Variants in CDH18 observed in about 807,000 individuals in gnomAD.
CDH18 encodes cadherin-18.
Under a neutral mutation model 67.9 loss-of-function variants are expected in CDH18, and 31 were observed. That is an observed-to-expected ratio of 0.46 (90% confidence interval 0.34 to 0.62). CDH18 has a LOEUF of 0.62. Among genes scored for constraint, CDH18 ranks in the 20% least tolerant of loss-of-function variants. The pLI is 0.01. For missense variants in CDH18, 890 were observed against 975.5 expected, an observed-to-expected ratio of 0.91 and a Z score of 1.17; for synonymous variants, 362 against 347.2, an observed-to-expected ratio of 1.04 and a Z score of -0.48.
chr5:20,277,439 C>A (rs987012402), intron 1 of CDH18, among the ~76,000 whole-genome samples: 1 of 152,144 alleles, frequency 6.6e-6, no homozygotes, highest in African/African-American at 2.4e-5. Flanking sequence ...AAGAGCCACA[C>A]CATTACTGGG....
intron 1 of CDH18, among the ~76,000 whole-genome samples, chr5:20,306,735 G>T (rs975477080): frequency 1.3e-5 from 2 of 152,112 alleles, no homozygotes; most frequent in African/African-American, 4.8e-5. Context: ...AACAGTGAGG[G>T]TTAAAATCTC....
At chr5:20,201,531 C>G (rs954525761) in intron 2 of CDH18, among the ~76,000 whole-genome samples, 1 of 151,532 alleles carries the variant, frequency 6.6e-6, no homozygotes, top group African/African-American at 2.4e-5. Flanking sequence ...TTTGTCAATG[C>G]AGTATTTTAG....
chr5:19,475,028 C>T (rs1024237434), intron 12 of CDH18, among the ~76,000 whole-genome samples: 4 of 152,000 alleles, frequency 2.6e-5, no homozygotes. Flanking sequence ...AGCTGATATT[C>T]TAGGCTTTAT....
intron 1 of CDH18, among the ~76,000 whole-genome samples, chr5:20,479,849 C>T (rs1469014881): frequency 1.3e-5 from 2 of 151,844 alleles, no homozygotes; most frequent in African/African-American, 4.8e-5. Context: ...ATTAAATAAT[C>T]AAAGGTCATG....
intron 5 of CDH18, among the ~76,000 whole-genome samples, chr5:19,613,904 C>T (rs1481460913): frequency 4.6e-5 from 7 of 151,902 alleles, no homozygotes; most frequent in Non-Finnish European, 8.8e-5. Context: ...CATATTTGAT[C>T]CTTCAAACAT....
intron 1 of CDH18, among the ~76,000 whole-genome samples, chr5:20,382,120 A>G (rs1367749579): frequency 2.0e-5 from 3 of 152,194 alleles, no homozygotes; most frequent in African/African-American, 2.4e-5. Context: ...ACATGAAATT[A>G]CTAGAGGTTA....
chr5:20,261,398 T>A (rs1335357533), intron 1 of CDH18, among the ~76,000 whole-genome samples: 2 of 152,212 alleles, frequency 1.3e-5, no homozygotes, highest in Admixed American at 6.5e-5. Context: ...ATTTATCCTT[T>A]ATTTAAATAC....
intron 2 of CDH18, among the ~76,000 whole-genome samples, chr5:20,220,526 T>A (rs1477692012): frequency 6.6e-6 from 1 of 151,924 alleles, no homozygotes; most frequent in Non-Finnish European, 1.5e-5. Context: ...GAAACTACTA[T>A]AAGAAAATAT....
intron 3 of CDH18, among the ~76,000 whole-genome samples, chr5:19,755,890 G>C (rs541658432): frequency 6.6e-6 from 1 of 152,154 alleles, no homozygotes; most frequent in East Asian, 1.9e-4. Context: ...CAGATTAAGG[G>C]TGGATCTGCC....
intron 1 of CDH18, among the ~76,000 whole-genome samples, chr5:20,480,936 A>G (rs1752761436): frequency 1.3e-5 from 2 of 152,180 alleles, no homozygotes; most frequent in African/African-American, 4.8e-5. Flanking sequence ...GATGTAAAGG[A>G]AAGAAGACCA....
chr5:19,520,591 A>G, intron 10 of CDH18, 66 bp downstream of exon 10: 1 of 1,410,390 alleles, frequency 7.1e-7, no homozygotes, highest in South Asian at 1.4e-5. Flanking sequence ...ATACCTAAGA[A>G]TAATAAAAAT....
chr5:20,319,020 G>A (rs1737732615), intron 1 of CDH18, among the ~76,000 whole-genome samples: 1 of 152,140 alleles, frequency 6.6e-6, no homozygotes, highest in Non-Finnish European at 1.5e-5. Flanking sequence ...ACTTGGAATA[G>A]GACCCCACGG....
chr5:19,897,027 A>G (rs1009021889), intron 2 of CDH18, among the ~76,000 whole-genome samples: 6 of 152,290 alleles, frequency 3.9e-5, no homozygotes, highest in African/African-American at 1.4e-4. Context: ...TAGTGTTTGC[A>G]AAGATATCTT....
chr5:20,515,133 T>A (rs1277891822), intron 1 of CDH18, among the ~76,000 whole-genome samples: 13 of 152,056 alleles, frequency 8.5e-5, no homozygotes, highest in African/African-American at 3.1e-4. Context: ...GTTGAATGCA[T>A]ATTACTATAA....
At chr5:20,485,221 T>C (rs777416583) in intron 1 of CDH18, among the ~76,000 whole-genome samples, 1 of 152,186 alleles carries the variant, frequency 6.6e-6, no homozygotes, top group Non-Finnish European at 1.5e-5. Flanking sequence ...ATTTCTCTCT[T>C]CTGATACGCC....
chr5:20,313,759 GA>G (rs548053966), intron 1 of CDH18, among the ~76,000 whole-genome samples: 127 of 151,834 alleles, frequency 8.4e-4, no homozygotes, highest in African/African-American at 2.9e-3. Context: ...GTATATATCT[GA>G]AAAAAACTAG....
rs1561215759 is a variant in CDH18, at chr5:19,748,130, A to AAAAAAAAAAAAAAAAAAAAAAAAAT, written c.229-895_229-894insATTTTTTTTTTTTTTTTTTTTTTTT. The stretch of plus-strand genomic sequence containing the variant: ...TCCATCTCAAAAAAAAAAAAAAAAA[A>AAAAAAAAAAAAAAAAAAAAAAAAAT]AAAGAGTACTTTTTTAGGGATAGAG... On this transcript the variant is annotated intron_variant, in intron 3 of 12. Transcript: ENST00000382275. Among the ~76,000 whole-genome samples the AAAAAAAAAAAAAAAAAAAAAAAAAT allele has an allele frequency of 2.8e-5, 4 of 144,894 alleles. 1 individual carries two copies. The highest frequency in any genetic ancestry group is 4.5e-5 in the Non-Finnish European group (3 of 65,970).
chr5:20,407,733 T>TAAA (rs201052975), intron 1 of CDH18, among the ~76,000 whole-genome samples: 19 of 151,240 alleles, frequency 1.3e-4, no homozygotes, highest in South Asian at 6.2e-4. Flanking sequence ...TTTTTTTTTT[T>TAAA]AAAAAACTTG....
chr5:20,139,015 C>T (rs563517367), intron 2 of CDH18, among the ~76,000 whole-genome samples: 177 of 152,242 alleles, frequency 1.2e-3, no homozygotes, highest in African/African-American at 3.9e-3. Context: ...CAAGACAATC[C>T]TAAGCCAAAA....
Sources: allele counts gnomAD v4.1 joint callset (sites outside exome capture counted in the v4.1 genomes callset), GRCh38; gene constraint gnomAD v4.1.1; transcripts MANE v1.5; gene names NCBI Gene and HGNC (gene_info 2026-07-23, HGNC 2026-07-21).